The following WDR76 variants were observed in gnomAD, a reference collection of about 807,000 sequenced individuals.
WDR76 encodes the protein WD repeat-containing protein 76.
A neutral mutation model predicts 70.2 loss-of-function variants in WDR76; 52 were observed. The ratio of observed to expected loss-of-function variants is 0.74; its 90% CI spans 0.59 to 0.93. The LOEUF is 0.93. Ranked by LOEUF, WDR76 falls within the 40% of genes least tolerant of loss-of-function variation. The pLI is 0.00. For missense variants in WDR76, 756 were observed against 760.2 expected, an observed-to-expected ratio of 0.99 and a Z score of 0.07; for synonymous variants, 292 against 271.1, an observed-to-expected ratio of 1.08 and a Z score of -0.76.
At chr15:43,860,399 T>C (rs2087981107) in intron 11 of WDR76, among the ~76,000 whole-genome samples, 1 of 152,246 alleles carries the variant, frequency 6.6e-6, no homozygotes, top group Admixed American at 6.5e-5. Context: ...CCACATCCTT[T>C]ATGTCCCATA....
In WDR76 at chr15:43,828,022, A is replaced by G; in HGVS notation, c.118A>G (p.Thr40Ala). 2.5e-6 allele frequency: 4 copies of G among 1,614,034 alleles called. No individual in the cohort carries two copies. Among genetic ancestry groups the G allele is most frequent in the Non-Finnish European group, 3.4e-6 (4 of 1,180,006 alleles). ...IAYVSLRPAQTTVLIKTAKVY... is the reference protein window; with the variant it reads ...IAYVSLRPAQATVLIKTAKVY... ...TTATGTGTCTCTGAGACCAGCACAG[A>G]CTACAGTTTTAATAAAAACAGCTAA... is the stretch of plus-strand genomic sequence containing the variant. The change falls in exon 2 of 13, where the codon ACT becomes GCT. Residue 40 changes from threonine (T) to alanine (A), a missense_variant. By Grantham distance (58) the Thr-to-Ala change is moderately conservative (BLOSUM62 0). Transcript: ENST00000263795.
chr15:43,832,239 A>G (rs1026172409), intron 2 of WDR76, among the ~76,000 whole-genome samples: 1 of 150,932 alleles, frequency 6.6e-6, no homozygotes, highest in Non-Finnish European at 1.5e-5. Context: ...TGCTTTTAAG[A>G]TCTTTTCTGG....
intron 8 of WDR76, among the ~76,000 whole-genome samples, chr15:43,846,447 G>T (rs945630370): frequency 1.6e-4 from 24 of 148,698 alleles, no homozygotes; most frequent in African/African-American, 5.6e-4. Context: ...ACCACACCTG[G>T]CTAATTTTTT....
At position 43,827,012 on chromosome 15, in the gene WDR76, C is replaced by A; in HGVS notation, c.-21C>A. 1 of 1,612,720 alleles carries A rather than the reference C, an allele frequency of 6.2e-7. No individual in the cohort carries two copies. The highest frequency in any genetic ancestry group is 1.1e-5 in the South Asian group (1 of 91,066). ...CGCCGCAATCTTGGCGGGAAGGCGC[C>A]GGCCGCTAAGAAGCCGAAAGATGTC... On this transcript the variant is annotated 5_prime_UTR_variant, in exon 1 of 13. Transcript: ENST00000263795.
intron 8 of WDR76, among the ~76,000 whole-genome samples, chr15:43,845,936 C>G (rs1261122074): frequency 6.7e-6 from 1 of 150,038 alleles, no homozygotes; most frequent in African/African-American, 2.4e-5. Flanking sequence ...AGACAGAAAC[C>G]AAGTTCTTAT....
Position 43,857,020 on chromosome 15 carries a change from A to G in WDR76, c.1266A>G (p.Gly422=). Residue 422 remains glycine (G), a synonymous_variant, in exon 10 of 13, where the codon GGA becomes GGG. Transcript: ENST00000263795. The part of the protein sequence containing the change: ...LAEDASTLIV[G]HWDGNMSLVD... ...AAGATGCCTCCACTTTAATAGTAGG[A>G]CACTGGGATGGAAATATGTCACTGG... 1.2e-6 allele frequency: 2 copies of G among 1,614,132 alleles called. No individual in the cohort carries two copies. The highest frequency in any genetic ancestry group is 1.3e-5 in the African/African-American group (1 of 75,056).
At chr15:43,859,101 C>T (rs16977724) in intron 11 of WDR76, among the ~76,000 whole-genome samples, 21,067 of 152,084 alleles carry the variant, frequency 0.14, 1,783 homozygotes, top group East Asian at 0.26. Flanking sequence ...TCCCAGAAAC[C>T]AGGCTGTGTA....
intron 5 of WDR76, among the ~76,000 whole-genome samples, chr15:43,840,044 A>G (rs1366367127): frequency 6.6e-6 from 1 of 151,998 alleles, no homozygotes; most frequent in African/African-American, 2.4e-5. Flanking sequence ...TTTTTGGTAG[A>G]GACGGGGTTT....
At position 43,835,297 on chromosome 15, in the gene WDR76, C is replaced by T. The variant is rs1596068407; in HGVS notation, c.552+147C>T. Reference sequence around the variant, plus strand: ...GCCTGGGTAACATACGGAGACCCGCCCCCCGCCCCCCGCCCCCCACCCCAA... The same window carrying T: ...GCCTGGGTAACATACGGAGACCCGCTCCCCGCCCCCCGCCCCCCACCCCAA... On this transcript the variant is annotated intron_variant, in intron 3 of 12. Transcript: ENST00000263795. 9.3e-6 allele frequency: 4 copies of T among 428,052 alleles called. No individual in the cohort carries two copies. The South Asian group carries it at 1.1e-4, about 12-fold the overall frequency. The allele number at this position is 428,052 out of a possible 1,614,324, so 26.5% of individuals were successfully genotyped here. A position where few individuals can be genotyped will look rare whatever the true frequency, so the allele number is the denominator to read the frequency against.
chr15:43,828,746 A>G (rs538015163), intron 2 of WDR76, among the ~76,000 whole-genome samples: 1 of 152,314 alleles, frequency 6.6e-6, no homozygotes, highest in South Asian at 2.1e-4. Context: ...GACCTTTGAT[A>G]TCAGGGTAGG....
intron 11 of WDR76, among the ~76,000 whole-genome samples, chr15:43,859,278 T>A (rs1335109250): frequency 6.6e-6 from 1 of 152,132 alleles, no homozygotes; most frequent in Non-Finnish European, 1.5e-5. Context: ...AGTTCTAGGG[T>A]TTTAGCTTTA....
rs554641641 is a variant in WDR76, at chr15:43,841,354, G to A, written c.733-1061G>A. ...TGGGACTATAGGCACCTGCCACCAC[G>A]CCCGGCTAATTTTTTTGTATTTTTA... On this transcript the variant is annotated intron_variant, in intron 5 of 12. Coordinates refer to ENST00000263795, the MANE Select transcript of WDR76 (RefSeq NM_024908.4). Among the ~76,000 whole-genome samples, 32 of 151,878 alleles carry A rather than the reference G, an allele frequency of 2.1e-4. 1 individual carries two copies. The East Asian group carries it at 5.6e-3, about 27-fold the overall frequency.
chr15:43,854,396 C>T (rs1014262257), intron 9 of WDR76, among the ~76,000 whole-genome samples: 8 of 151,890 alleles, frequency 5.3e-5, no homozygotes, highest in Non-Finnish European at 7.4e-5. Flanking sequence ...ATAGTGAAAC[C>T]GCACCTCTAA....
At chr15:43,864,191 G>C (rs911384739) in intron 12 of WDR76, among the ~76,000 whole-genome samples, 16 of 152,114 alleles carry the variant, frequency 1.1e-4, no homozygotes, top group African/African-American at 3.9e-4. Flanking sequence ...TTGATTTGTT[G>C]ATTCCATATC....
chr15:43,839,416 CTT>C (rs2087695463), intron 4 of WDR76, among the ~76,000 whole-genome samples, 187 bp from the exon 5 acceptor site: 1 of 152,160 alleles, frequency 6.6e-6, no homozygotes, highest in African/African-American at 2.4e-5. Context: ...GACCTCACCT[CTT>C]TTTGATGAAC....
At chr15:43,829,502 T>C (rs2087560282) in intron 2 of WDR76, among the ~76,000 whole-genome samples, 1 of 35,880 alleles carries the variant, frequency 2.8e-5, no homozygotes. Context: ...ATGGCCACTT[T>C]TTTTTTTTTT....
rs140140879 is a variant in WDR76 at position 43,828,309 on chromosome 15, T to C, written c.405T>C (p.Ser135=). Residue 135 remains serine (S), a synonymous_variant, in exon 2 of 13, where the codon AGT becomes AGC. Coordinates refer to ENST00000263795, the MANE Select transcript of WDR76 (RefSeq NM_024908.4). ...PKRTADAMNL[S]VDVESSQDGD... ...GAACGGCAGATGCGATGAATCTCAGTGTTGATGTGGAAAGTAGTCAGGATG... is the reference window on the plus strand; with the variant it reads ...GAACGGCAGATGCGATGAATCTCAGCGTTGATGTGGAAAGTAGTCAGGATG... 4.9e-4 allele frequency: 792 copies of C among 1,613,938 alleles called. 7 individuals carry two copies. Among genetic ancestry groups the C allele is most frequent in the Admixed American group, 3.3e-4 (20 of 59,988 alleles).
chr15:43,861,832 ATTTTTTTTT>A (rs898404641), intron 12 of WDR76, among the ~76,000 whole-genome samples: 8 of 104,772 alleles, frequency 7.6e-5, no homozygotes, highest in African/African-American at 2.6e-4. Context: ...GTATTTGTGT[ATTTTTTTTT>A]TTTTTTTTTT....
At chr15:43,834,943 T>C in intron 2 of WDR76, 118 bp from the exon 3 acceptor site, 1 of 822,522 alleles carries the variant, frequency 1.2e-6, no homozygotes, top group South Asian at 1.7e-5. Flanking sequence ...ATGAAATGAA[T>C]AGAGATAGTA....
Sources: allele counts gnomAD v4.1 joint callset (sites outside exome capture counted in the v4.1 genomes callset), GRCh38; gene constraint gnomAD v4.1.1; transcripts MANE v1.5; gene names NCBI Gene and HGNC (gene_info 2026-07-23, HGNC 2026-07-21).